Variants in RGL1 observed in about 807,000 individuals in gnomAD.
The protein encoded by RGL1 is ral guanine nucleotide dissociation stimulator-like 1.
A neutral mutation model predicts 95.2 loss-of-function variants in RGL1; 24 were observed. The ratio of observed to expected loss-of-function variants is 0.25; its 90% CI spans 0.18 to 0.35. The LOEUF (loss-of-function observed/expected upper bound fraction) is 0.35. RGL1 is among the 10% of genes least tolerant of loss of function. The probability of loss-of-function intolerance (pLI) is 1.00; values close to 1 mark genes in which losing one functional copy is unlikely to be tolerated. For missense variants in RGL1, 715 were observed against 936.3 expected (o/e 0.76, Z 3.08); for synonymous variants, 329 against 344.9 (o/e 0.95, Z 0.51).
chr1:183,805,074 G>A (rs1355000793), upstream of RGL1: 1 of 412,428 alleles, frequency 2.4e-6, no homozygotes, highest in East Asian at 4.1e-5. Flanking sequence ...GTGGCGTGGG[G>A]AGGAGTCTGC....
intron 8 of RGL1, among the ~76,000 whole-genome samples, chr1:183,890,130 A>G (rs1223187472): frequency 1.3e-5 from 2 of 152,136 alleles, no homozygotes; most frequent in Admixed American, 6.6e-5. Flanking sequence ...ACTCAACTGT[A>G]GTATAGTATC....
intron 4 of RGL1, among the ~76,000 whole-genome samples, chr1:183,870,111 C>T (rs1666077622): frequency 6.6e-6 from 1 of 152,170 alleles, no homozygotes; most frequent in African/African-American, 2.4e-5. Context: ...TGGAGCAACA[C>T]ACTGTTTTAA....
At chr1:183,745,482 G>A (rs542374952) in intron 2 of RGL1, among the ~76,000 whole-genome samples, 7 of 152,038 alleles carry the variant, frequency 4.6e-5, no homozygotes, top group Non-Finnish European at 1.0e-4. Context: ...TATTTGCTTA[G>A]TATTTATTTC....
chr1:183,926,526 A>C lies in RGL1; in HGVS notation c.*234A>C, dbSNP rs1428037741. On this transcript the variant is annotated 3_prime_UTR_variant, in exon 18 of 18. Coordinates refer to ENST00000360851, the MANE Select transcript of RGL1 (RefSeq NM_001297671.3). The stretch of plus-strand genomic sequence containing the variant: ...TTCTCTTTGACTCATTTGAGACTAA[A>C]ATGCAGAATTACCAACATTTAAAAC... The C allele has an allele frequency of 5.8e-6, 2 of 344,434 alleles. No homozygotes were observed. Among genetic ancestry groups the C allele is most frequent in the Admixed American group, 4.6e-5 (1 of 21,656 alleles). The allele number at this position is 344,434 out of a possible 1,614,324, so 21.3% of individuals were successfully genotyped here.
intron 2 of RGL1, among the ~76,000 whole-genome samples, chr1:183,813,910 T>C (rs911362552): frequency 6.6e-6 from 1 of 152,224 alleles, no homozygotes; most frequent in African/African-American, 2.4e-5. Flanking sequence ...ACACACAGCC[T>C]ATATATTAAA....
In RGL1 at chr1:183,897,841, A is replaced by C; in HGVS notation, c.1174A>C (p.Ser392Arg). ...CTCAAAATTTGCAAACCTGGACAGC[A>C]GTGTGAAAGAAAACCAGAAGCGTAC... ...GTSKFANLDS[S>R]VKENQKRTQR... Residue 392 changes from serine (S) to arginine (R), a missense_variant, in exon 10 of 18, where the codon AGT becomes CGT. By Grantham distance (110) the Ser-to-Arg change is moderately radical (BLOSUM62 -1). Transcript: ENST00000360851. The C allele has an allele frequency of 6.2e-7, 1 of 1,614,086 alleles. No homozygotes were observed. The highest frequency in any genetic ancestry group is 2.2e-5 in the East Asian group (1 of 44,874).
intron 1 of RGL1, among the ~76,000 whole-genome samples, chr1:183,667,957 C>T (rs1413053637): frequency 6.6e-6 from 1 of 150,918 alleles, no homozygotes; most frequent in African/African-American, 2.4e-5. Context: ...ACTCTCTCAT[C>T]TTTTGTATCA....
At chr1:183,871,718 T>G (rs1666195361) in intron 4 of RGL1, among the ~76,000 whole-genome samples, 1 of 152,192 alleles carries the variant, frequency 6.6e-6, no homozygotes, top group Non-Finnish European at 1.5e-5. Flanking sequence ...GCATTCAAGA[T>G]GAAAAATTGG....
At chr1:183,846,079 A>G (rs1324665503) in intron 2 of RGL1, among the ~76,000 whole-genome samples, 2 of 152,206 alleles carry the variant, frequency 1.3e-5, no homozygotes, top group Non-Finnish European at 2.9e-5. Flanking sequence ...TTCTACTATA[A>G]AGACACATGC....
chr1:183,669,933 G>C (rs1652328098), intron 1 of RGL1, among the ~76,000 whole-genome samples: 1 of 152,146 alleles, frequency 6.6e-6, no homozygotes, highest in Non-Finnish European at 1.5e-5. Context: ...CAGCATGGGG[G>C]TAACCACCCC....
At chr1:183,640,087 T>C (rs1457685756) in intron 1 of RGL1, among the ~76,000 whole-genome samples, 2 of 152,132 alleles carry the variant, frequency 1.3e-5, no homozygotes, top group African/African-American at 2.4e-5. Context: ...TCTGCCCGCC[T>C]TGGGCTCCCG....
At chr1:183,900,117 A>G (rs751804043) in intron 10 of RGL1, 33 bp from the exon 11 acceptor site, 4 of 1,576,756 alleles carry the variant, frequency 2.5e-6, no homozygotes, top group Admixed American at 3.3e-5. Flanking sequence ...TTTCAATGAC[A>G]ATAAAGACAG....
chr1:183,668,675 G>T (rs905445906), intron 1 of RGL1, among the ~76,000 whole-genome samples: 9 of 151,276 alleles, frequency 5.9e-5, no homozygotes, highest in Admixed American at 1.3e-4. Flanking sequence ...AGTTTTTTTT[G>T]TTTTCTTTTT....
chr1:183,927,408 G>T lies in RGL1; in HGVS notation c.*1116G>T, dbSNP rs1291231531. On this transcript the variant is annotated 3_prime_UTR_variant, in exon 18 of 18. Coordinates refer to ENST00000360851, the MANE Select transcript of RGL1 (RefSeq NM_001297671.3). The stretch of plus-strand genomic sequence containing the variant: ...TTGTCCCGTTAATAGCCCCTCAGAA[G>T]ATGTTCCCTGCTGATAACAGCATCC... 4 of 152,336 alleles carry T rather than the reference G, an allele frequency of 2.6e-5. No homozygotes were observed. The highest frequency in any genetic ancestry group is 5.9e-5 in the Non-Finnish European group (4 of 68,042). The allele number at this position is 152,336 out of a possible 1,614,324, so 9.4% of individuals were successfully genotyped here.
intron 1 of RGL1, among the ~76,000 whole-genome samples, chr1:183,670,634 C>T (rs985651576): frequency 3.3e-5 from 5 of 152,158 alleles, no homozygotes; most frequent in African/African-American, 9.7e-5. Context: ...TTGTGATTCT[C>T]AGTATCTGCC....
intron 1 of RGL1, among the ~76,000 whole-genome samples, chr1:183,654,238 T>C (rs1241963383): frequency 6.6e-6 from 1 of 152,162 alleles, no homozygotes; most frequent in Non-Finnish European, 1.5e-5. Context: ...ATTCATGAAC[T>C]CCTCAGCTGG....
intron 1 of RGL1, among the ~76,000 whole-genome samples, chr1:183,655,992 C>T (rs1021463959): frequency 6.6e-6 from 1 of 152,130 alleles, no homozygotes; most frequent in African/African-American, 2.4e-5. Context: ...AGCTTGTACA[C>T]TAGGCCCCAG....
At chr1:183,771,791 A>G (rs1659286029) in intron 2 of RGL1, among the ~76,000 whole-genome samples, 1 of 152,132 alleles carries the variant, frequency 6.6e-6, no homozygotes, top group Non-Finnish European at 1.5e-5. Context: ...GCGTTTCCCA[A>G]CACCACCCTG....
At chr1:183,699,543 C>A (rs1354786285) in intron 1 of RGL1, among the ~76,000 whole-genome samples, 1 of 152,120 alleles carries the variant, frequency 6.6e-6, no homozygotes, top group Non-Finnish European at 1.5e-5. Flanking sequence ...AGATTCTGAT[C>A]AATCTAATAA....
Sources: gnomAD v4.1 joint callset for allele counts (sites outside exome capture counted in the v4.1 genomes callset) on GRCh38, gnomAD v4.1.1 for gene constraint, MANE v1.5 for transcripts, NCBI Gene and HGNC (gene_info 2026-07-23, HGNC 2026-07-21) for gene names.